ZNF280A: variants seen among roughly 807,000 people sequenced by gnomAD.
The protein encoded by ZNF280A is zinc finger protein 280A, also known as suppressor of hairy wing homolog 1.
A neutral mutation model predicts 35.9 loss-of-function variants in ZNF280A; 26 were observed. That is an observed-to-expected ratio of 0.72 (90% CI 0.53 to 1.01). The LOEUF (loss-of-function observed/expected upper bound fraction) is 1.01. ZNF280A is among the 50% of genes least tolerant of loss of function. ZNF280A has a pLI of 0.00. For missense variants in ZNF280A, 654 were observed against 652.0 expected (o/e 1.00, Z -0.03); for synonymous variants, 231 against 232.9 (o/e 0.99, Z 0.07).
chr22:22,517,650 T>A (rs1268013746), intron 1 of ZNF280A, among the ~76,000 whole-genome samples: 2 of 151,934 alleles, frequency 1.3e-5, no homozygotes, highest in Non-Finnish European at 2.9e-5. Flanking sequence ...AGGCTTAGAT[T>A]TCCATTTTAA....
Position 22,514,444 on chromosome 22 carries a change from C to T in ZNF280A, c.1187G>A (p.Cys396Tyr), listed in dbSNP as rs1224610496. ...HHKPGEMPYV[C>Y]QVCHYRSSVF... ...CGACGATCTGTAATGGCAAACCTGG[C>T]ACACATAAGGCATTTCGCCAGGCTT... The change falls in exon 2 of 2, where the codon TGC (cysteine) becomes TAC (tyrosine). Residue 396 changes from cysteine to tyrosine, a missense_variant. Cys to Tyr is a radical substitution (Grantham distance 194, BLOSUM62 -2). Transcript: ENST00000302097. 8 of 1,613,730 alleles carry T rather than the reference C, an allele frequency of 5.0e-6. No homozygotes were observed. The highest frequency in any genetic ancestry group is 6.8e-6 in the Non-Finnish European group (8 of 1,179,998).
At position 22,514,195 on chromosome 22, in the gene ZNF280A, T is replaced by G; in HGVS notation, c.1436A>C (p.Lys479Thr). 6.2e-7 allele frequency: 1 copy of G among 1,613,574 alleles called. No individual in the cohort carries two copies. The highest frequency in any genetic ancestry group is 1.1e-5 in the South Asian group (1 of 90,988). ...AGGCAACCCTTGCAGTTGCTCCGGC[T>G]TTTTAAATGTTTGATGGTCCTTGGT... ...HKTKDHQTFK[K>T]PEQLQGLPSE... The change falls in exon 2 of 2, where the codon AAG becomes ACG. Residue 479 changes from lysine (K) to threonine (T), a missense_variant. Lys to Thr is a moderately conservative substitution (Grantham distance 78). Transcript: ENST00000302097.
rs1288107113 is a variant in ZNF280A at position 22,514,959 on chromosome 22, T to C, written c.672A>G (p.Val224=). ...CNSSNHVQNG[V]TFPWPDANGK... is the part of the protein sequence containing the mutation. ...CATTAGCATCAGGCCAAGGAAATGT[T>C]ACTCCATTCTGAACATGGTTTGATG... is the stretch of plus-strand genomic sequence containing the variant. The change falls in exon 2 of 2, where the codon GTA becomes GTG. Residue 224 remains valine, a synonymous_variant. Transcript: ENST00000302097. 2 of 1,613,954 alleles carry C rather than the reference T, an allele frequency of 1.2e-6. No homozygotes were observed. The highest frequency in any genetic ancestry group is 8.5e-7 in the Non-Finnish European group (1 of 1,179,986).
rs1349039458 is a variant in ZNF280A at position 22,514,340 on chromosome 22, G to A, written c.1291C>T (p.Leu431Phe). The change falls in exon 2 of 2, where the codon CTT becomes TTT. Residue 431 changes from leucine to phenylalanine, a missense_variant. Transcript: ENST00000302097. ...KNLLCLFCLKLFKTAIPYMNH... is the reference protein window; with the variant it reads ...KNLLCLFCLKFFKTAIPYMNH... ...ATGTATGGTATTGCAGTTTTGAAAAGTTTGAGACAAAACAGACAAAGCAAA... is the reference window on the plus strand; with the variant it reads ...ATGTATGGTATTGCAGTTTTGAAAAATTTGAGACAAAACAGACAAAGCAAA... The A allele has an allele frequency of 6.2e-7, 1 of 1,613,954 alleles. No homozygotes were observed. The highest frequency in any genetic ancestry group is 8.5e-7 in the Non-Finnish European group (1 of 1,179,978).
At position 22,514,173 on chromosome 22, in the gene ZNF280A, C is replaced by G. The variant is rs361762; in HGVS notation, c.1458G>C (p.Leu486Phe). The G allele has an allele frequency of 0.35, 559,082 of 1,612,816 alleles. 105,764 individuals are homozygous for G. Among genetic ancestry groups the G allele is most frequent in the African/African-American group, 0.7 (52,379 of 74,624 alleles). ...TFKKPEQLQGLPSETKVIIQT... is the reference protein window; with the variant it reads ...TFKKPEQLQGFPSETKVIIQT... The stretch of plus-strand genomic sequence containing the variant: ...GAATAATAACTTTTGTTTCACTAGG[C>G]AACCCTTGCAGTTGCTCCGGCTTTT... Residue 486 changes from leucine (L) to phenylalanine (F), a missense_variant, in exon 2 of 2, where the codon TTG becomes TTC. Leu to Phe is a conservative substitution (Grantham distance 22). Transcript: ENST00000302097.
rs2062055450 is a variant in ZNF280A, at chr22:22,515,239, T to C, written c.392A>G (p.Gln131Arg). 1 of 1,613,572 alleles carries C rather than the reference T, an allele frequency of 6.2e-7. No individual in the cohort carries two copies. Among genetic ancestry groups the C allele is most frequent in the Admixed American group, 1.7e-5 (1 of 59,934 alleles). The change falls in exon 2 of 2, where the codon CAA (glutamine) becomes CGA (arginine). Residue 131 changes from glutamine to arginine, a missense_variant. Physicochemically the swap from Gln to Arg is conservative, Grantham distance 43 (BLOSUM62 1). Coordinates refer to ENST00000302097, the MANE Select transcript of ZNF280A (RefSeq NM_080740.5). ...SEPGYKMSSP[Q>R]VVSPSSSDSL... The stretch of plus-strand genomic sequence containing the variant: ...GTCTGAGGAACTGGGAGAAACAACT[T>C]GTGGTGAGCTCATTTTATAACCAGG...
At chr22:22,519,523 C>G (rs1182044529) in intron 1 of ZNF280A, among the ~76,000 whole-genome samples, 4 of 151,996 alleles carry the variant, frequency 2.6e-5, no homozygotes, top group Non-Finnish European at 5.9e-5. Context: ...TCTTGGCAAC[C>G]TTAGCATACG....
In ZNF280A at chr22:22,519,267, T is replaced by C. The variant is rs113895992; in HGVS notation, c.-72+822A>G. Among the ~76,000 whole-genome samples, 1,392 of 151,768 alleles carry C rather than the reference T, an allele frequency of 9.2e-3. 14 individuals are homozygous for C. The highest frequency in any genetic ancestry group is 0.015 in the Non-Finnish European group (1,027 of 67,954). ...TGGCCAACATGGTGAAACCCATCTC[T>C]ACTAAAAATACAAAAATTATCTGGG... is the stretch of plus-strand genomic sequence containing the variant. On this transcript the variant is annotated intron_variant, in intron 1 of 1. Coordinates refer to ENST00000302097, the MANE Select transcript of ZNF280A (RefSeq NM_080740.5).
chr22:22,514,185 T>A lies in ZNF280A; in HGVS notation c.1446A>T (p.Gln482His), dbSNP rs940807924. Reference protein sequence around the residue: ...KDHQTFKKPEQLQGLPSETKV... With the variant: ...KDHQTFKKPEHLQGLPSETKV... The stretch of plus-strand genomic sequence containing the variant: ...TTGTTTCACTAGGCAACCCTTGCAG[T>A]TGCTCCGGCTTTTTAAATGTTTGAT... The change falls in exon 2 of 2, where the codon CAA (glutamine) becomes CAT (histidine). Residue 482 changes from glutamine (Q) to histidine (H), a missense_variant. By Grantham distance (24) the Gln-to-His change is conservative. Coordinates refer to ENST00000302097, the MANE Select transcript of ZNF280A (RefSeq NM_080740.5). 6.2e-7 allele frequency: 1 copy of A among 1,613,622 alleles called. No individual in the cohort carries two copies. The highest frequency in any genetic ancestry group is 1.3e-5 in the African/African-American group (1 of 74,864).
intron 1 of ZNF280A, among the ~76,000 whole-genome samples, chr22:22,516,143 T>C (rs1052669899): frequency 6.6e-6 from 1 of 151,816 alleles, no homozygotes; most frequent in East Asian, 2.0e-4. Flanking sequence ...TAGCTTGGCA[T>C]GGTGGTACAC....
chr22:22,519,028 A>G (rs377050241), intron 1 of ZNF280A, among the ~76,000 whole-genome samples: 151 of 152,020 alleles, frequency 9.9e-4, no homozygotes, highest in Middle Eastern at 3.5e-3. Flanking sequence ...ACCAAATTCA[A>G]TATATACTAT....
In ZNF280A at chr22:22,514,006, C is replaced by T; in HGVS notation, c.1625G>A (p.Ser542Asn). The change falls in exon 2 of 2, where the codon AGC becomes AAC. Residue 542 changes from serine to asparagine, a missense_variant. Ser to Asn is a conservative substitution (Grantham distance 46). Coordinates refer to ENST00000302097, the MANE Select transcript of ZNF280A (RefSeq NM_080740.5). ...DSRLPCSKDS[S>N] ...GGAAGTCAGTCGAACATATTTTCAGCTAGAATCCTTGCTGCAAGGGAGTCT... is the reference window on the plus strand; with the variant it reads ...GGAAGTCAGTCGAACATATTTTCAGTTAGAATCCTTGCTGCAAGGGAGTCT... 1 of 1,532,866 alleles carries T rather than the reference C, an allele frequency of 6.5e-7. No homozygotes were observed. Among genetic ancestry groups the T allele is most frequent in the South Asian group, 1.2e-5 (1 of 85,164 alleles). The allele number at this position is 1,532,866 out of a possible 1,614,324, so 95.0% of individuals were successfully genotyped here. A position where few individuals can be genotyped will look rare whatever the true frequency, so the allele number is the denominator to read the frequency against.
At chr22:22,519,745 G>A (rs1298142916) in intron 1 of ZNF280A, among the ~76,000 whole-genome samples, 2 of 151,904 alleles carry the variant, frequency 1.3e-5, no homozygotes, top group Non-Finnish European at 2.9e-5. Flanking sequence ...GCTCCTAAGT[G>A]ACTAAGGTAC....
Position 22,515,089 on chromosome 22 carries a change from A to G in ZNF280A, c.542T>C (p.Val181Ala). The G allele has an allele frequency of 6.2e-7, 1 of 1,613,864 alleles. No individual in the cohort carries two copies. The highest frequency in any genetic ancestry group is 8.5e-7 in the Non-Finnish European group (1 of 1,179,960). The change falls in exon 2 of 2, where the codon GTT becomes GCT. Residue 181 changes from valine (V) to alanine (A), a missense_variant. Transcript: ENST00000302097. ...CCCTGGGATTCCATCCCTGAGTTTA[A>G]CCCTTTTGGAATCTCTGCTGTTTAT... ...SDINSRDSKR[V>A]KLRDGIPGVP...
rs146163425 is a variant in ZNF280A at position 22,515,146 on chromosome 22, G to C, written c.485C>G (p.Ser162Cys). 5.7e-5 allele frequency: 92 copies of C among 1,613,882 alleles called. No homozygotes were observed. In the African/African-American group the frequency reaches 1.1e-3, roughly 18 times the overall value. Residue 162 changes from serine to cysteine, a missense_variant, in exon 2 of 2, where the codon TCT becomes TGT. Coordinates refer to ENST00000302097, the MANE Select transcript of ZNF280A (RefSeq NM_080740.5). The part of the protein sequence containing the change: ...MVSGGGRNES[S>C]PDSKRLSTSD... Reference sequence around the variant, plus strand: ...AGTGGAAAGTCGCTTTGAATCAGGAGAACTCTCATTTCTGCCTCCTCCAGA... The same window carrying C: ...AGTGGAAAGTCGCTTTGAATCAGGACAACTCTCATTTCTGCCTCCTCCAGA...
At chr22:22,516,134 A>T (rs2062066579) in intron 1 of ZNF280A, among the ~76,000 whole-genome samples, 1 of 151,882 alleles carries the variant, frequency 6.6e-6, no homozygotes, top group Non-Finnish European at 1.5e-5. Context: ...AAAAAAAATT[A>T]GCTTGGCATG....
chr22:22,515,744 G>A, intron 1 of ZNF280A, 43 bp from the exon 2 acceptor site: 1 of 1,462,422 alleles, frequency 6.8e-7, no homozygotes, highest in East Asian at 2.4e-5. Context: ...TATTTCGAAA[G>A]ACAAAATCAT....
rs910038276 is a variant in ZNF280A at position 22,515,434 on chromosome 22, ACT to A, written c.195_196del (p.Arg65SerfsTer42). On this transcript the variant is annotated frameshift_variant, in exon 2 of 2. Transcript: ENST00000302097. LOFTEE classifies it high-confidence loss of function. ...TCTTCTTGAATTTGAGCCTGGGGTG[ACT>A]CTGTTCAAAATGTTTGAAACGACTG... 4.3e-6 allele frequency: 7 copies of A among 1,613,552 alleles called. No homozygotes were observed. Among genetic ancestry groups the A allele is most frequent in the African/African-American group, 4.0e-5 (3 of 74,798 alleles).
At chr22:22,519,414 C>T (rs1481735924) in intron 1 of ZNF280A, among the ~76,000 whole-genome samples, 1 of 151,730 alleles carries the variant, frequency 6.6e-6, no homozygotes, top group Non-Finnish European at 1.5e-5. Context: ...GCCTGGGCGG[C>T]CAGAGTGAAA....
Sources: gnomAD v4.1 joint callset for allele counts (sites outside exome capture counted in the v4.1 genomes callset) on GRCh38, gnomAD v4.1.1 for gene constraint, MANE v1.5 for transcripts, NCBI Gene and HGNC (gene_info 2026-07-23, HGNC 2026-07-21) for gene names.